Variants in CMSS1 observed in about 807,000 individuals in gnomAD.
The protein encoded by CMSS1 is protein CMSS1.
CMSS1 carries 33 observed loss-of-function variants against 43.5 expected under a neutral mutation model. The observed-to-expected ratio is 0.76, with a 90% confidence interval of 0.57 to 1.01. The LOEUF (loss-of-function observed/expected upper bound fraction) is 1.01. Among genes scored for constraint, CMSS1 ranks in the 50% least tolerant of loss-of-function variants. The pLI, the probability that CMSS1 is intolerant of heterozygous loss-of-function variation, is 0.00. For missense variants in CMSS1, 313 were observed against 326.4 expected (o/e 0.96, Z 0.32); for synonymous variants, 115 against 117.2 (o/e 0.98, Z 0.12).
intron 1 of CMSS1, among the ~76,000 whole-genome samples, chr3:100,129,213 C>A (rs2066686915): frequency 6.6e-6 from 1 of 152,208 alleles, no homozygotes; most frequent in Admixed American, 6.5e-5. Context: ...GTAAGAACCA[C>A]ATCTTCTTCA....
At chr3:100,013,620 TA>T (rs1445550970) in intron 1 of CMSS1, among the ~76,000 whole-genome samples, 22 of 152,192 alleles carry the variant, frequency 1.4e-4, no homozygotes, top group African/African-American at 5.3e-4. Flanking sequence ...TGAATGACCA[TA>T]TTCATTTTGT....
intron 1 of CMSS1, chr3:100,141,469 G>A (rs1254325364): frequency 4.1e-5 from 18 of 439,564 alleles, no homozygotes; most frequent in South Asian, 1.8e-4. Flanking sequence ...TGAAGACGGC[G>A]GTCTTAACGT....
intron 1 of CMSS1, among the ~76,000 whole-genome samples, chr3:99,946,663 A>G (rs1708017266): frequency 6.6e-6 from 1 of 152,234 alleles, no homozygotes; most frequent in Admixed American, 6.5e-5. Flanking sequence ...TACCATGCAC[A>G]TCATAATTAC....
intron 1 of CMSS1, among the ~76,000 whole-genome samples, chr3:100,130,899 AG>A (rs2066700947): frequency 6.6e-6 from 1 of 152,188 alleles, no homozygotes; most frequent in Non-Finnish European, 1.5e-5. Context: ...CAGCATTTTA[AG>A]GGGTAGGTGA....
Position 100,180,693 on chromosome 3 carries a change from A to G in CMSS1, c.*2305A>G, listed in dbSNP as rs2067179282. 1 of 152,210 alleles carries G rather than the reference A, an allele frequency of 6.6e-6. No individual in the cohort carries two copies. The highest frequency in any genetic ancestry group is 1.5e-5 in the Non-Finnish European group (1 of 68,060). The allele number at this position is 152,210 out of a possible 1,614,324, so 9.4% of individuals were successfully genotyped here. On this transcript the variant is annotated 3_prime_UTR_variant, in exon 10 of 10. Coordinates refer to ENST00000421999, the MANE Select transcript of CMSS1 (RefSeq NM_032359.4). The stretch of plus-strand genomic sequence containing the variant: ...TTCAACAAGTCTCTAGGAGGTTCCA[A>G]ACATCCCTCATATTCCTGTCTTCTT...
At chr3:100,178,273 AATCTTT>A (rs755145031) in intron 9 of CMSS1, 26 bp from the exon 10 acceptor site, 2 of 1,437,896 alleles carry the variant, frequency 1.4e-6, no homozygotes, top group Non-Finnish European at 2.0e-6. Flanking sequence ...GCTTGATCTT[AATCTTT>A]TTTTCCCCCC....
chr3:100,025,931 T>A (rs2064912086), intron 1 of CMSS1, among the ~76,000 whole-genome samples: 2 of 152,120 alleles, frequency 1.3e-5, no homozygotes, highest in Admixed American at 1.3e-4. Context: ...GGAGCTCCCT[T>A]GTTTGGAAAG....
intron 2 of CMSS1, 76 bp from the exon 3 acceptor site, chr3:100,160,354 T>G (rs2067013054): frequency 1.4e-6 from 1 of 720,504 alleles, no homozygotes; most frequent in Admixed American, 2.4e-5. Flanking sequence ...TGGCAGAAAG[T>G]ACTTTGGGGT....
intron 1 of CMSS1, among the ~76,000 whole-genome samples, chr3:100,128,044 A>G (rs1283983412): frequency 1.3e-5 from 2 of 152,224 alleles, no homozygotes; most frequent in Non-Finnish European, 1.5e-5. Flanking sequence ...ATGACAGCCA[A>G]GGAACCTGGA....
rs150008038 is a variant in CMSS1, at chr3:100,078,912, T to G, written c.65-68061T>G. On this transcript the variant is annotated intron_variant, in intron 1 of 9. Transcript: ENST00000421999. Reference sequence around the variant, plus strand: ...TATCAAAAAAAACGGAAAAAAAGATTGCAAAAAATCTCATAATATTTTAAG... The same window carrying G: ...TATCAAAAAAAACGGAAAAAAAGATGGCAAAAAATCTCATAATATTTTAAG... 3.5e-3 allele frequency among the ~76,000 whole-genome samples: 538 copies of G among 151,954 alleles called. 2 individuals carry two copies. Among genetic ancestry groups the G allele is most frequent in the African/African-American group, 0.012 (512 of 41,422 alleles).
chr3:99,910,154 A>G (rs556309465), intron 1 of CMSS1, among the ~76,000 whole-genome samples: 5 of 136,758 alleles, frequency 3.7e-5, no homozygotes, highest in East Asian at 2.0e-4. Context: ...CGTAATTTCT[A>G]TTCTTTGACT....
At chr3:99,896,318 TG>T (rs1222321900) in intron 1 of CMSS1, among the ~76,000 whole-genome samples, 1 of 152,248 alleles carries the variant, frequency 6.6e-6, no homozygotes, top group Non-Finnish European at 1.5e-5. Flanking sequence ...AGGGAAAATT[TG>T]TTGCCCTAAT....
intron 1 of CMSS1, among the ~76,000 whole-genome samples, chr3:99,902,604 G>C (rs1050845060): frequency 6.6e-6 from 1 of 152,148 alleles, no homozygotes; most frequent in Non-Finnish European, 1.5e-5. Flanking sequence ...AGAAACCTTG[G>C]ATTATAGTCC....
intron 1 of CMSS1, chr3:99,830,594 T>C (rs902380234): frequency 3.7e-5 from 17 of 456,530 alleles, no homozygotes; most frequent in African/African-American, 3.4e-4. Flanking sequence ...TCTGCTTGCA[T>C]ACCTCCTTGA....
At chr3:100,088,729 T>C (rs537932116) in intron 1 of CMSS1, among the ~76,000 whole-genome samples, 1 of 152,134 alleles carries the variant, frequency 6.6e-6, no homozygotes, top group Non-Finnish European at 1.5e-5. Context: ...TATTTTCTTG[T>C]CCTTGTGCCT....
intron 1 of CMSS1, among the ~76,000 whole-genome samples, chr3:100,010,735 C>T (rs1230099819): frequency 6.6e-6 from 1 of 150,872 alleles, no homozygotes; most frequent in Non-Finnish European, 1.5e-5. Flanking sequence ...CTGCCTCAGC[C>T]TCCTGAGTAG....
At chr3:100,072,386 A>G (rs1331144009) in intron 1 of CMSS1, among the ~76,000 whole-genome samples, 1 of 152,204 alleles carries the variant, frequency 6.6e-6, no homozygotes, top group African/African-American at 2.4e-5. Context: ...TCCTTGATTC[A>G]GGCTTGGAGC....
chr3:100,067,985 C>G (rs2065694753), intron 1 of CMSS1, among the ~76,000 whole-genome samples: 1 of 152,116 alleles, frequency 6.6e-6, no homozygotes, highest in Non-Finnish European at 1.5e-5. Context: ...CAAGGCACCT[C>G]CAAGAACCCT....
chr3:100,155,065 T>C (rs1185011305), intron 2 of CMSS1, among the ~76,000 whole-genome samples: 1 of 152,242 alleles, frequency 6.6e-6, no homozygotes, highest in Non-Finnish European at 1.5e-5. Context: ...TTTTCCTTAC[T>C]TTCTGCCTTA....
Sources: allele counts gnomAD v4.1 joint callset (sites outside exome capture counted in the v4.1 genomes callset), GRCh38; gene constraint gnomAD v4.1.1; transcripts MANE v1.5; gene names NCBI Gene and HGNC (gene_info 2026-07-23, HGNC 2026-07-21).